OTUD7A: variants seen among roughly 807,000 people sequenced by gnomAD.
The protein encoded by OTUD7A is OTU deubiquitinase 7A, also known as OTU domain-containing protein 7A.
A neutral mutation model predicts 65.7 loss-of-function variants in OTUD7A; 12 were observed. The observed-to-expected ratio is 0.18, with a 90% CI of 0.12 to 0.30. The LOEUF (loss-of-function observed/expected upper bound fraction) is 0.30. Ranked by LOEUF, OTUD7A falls within the 10% of genes least tolerant of loss-of-function variation. OTUD7A has a pLI of 1.00. For synonymous variants in OTUD7A, 641 were observed against 586.3 expected (o/e 1.09, Z -1.35); for missense variants, 1,148 against 1,304.8 (o/e 0.88, Z 1.85).
intron 1 of OTUD7A, among the ~76,000 whole-genome samples, chr15:31,662,371 C>T (rs370000243): frequency 2.7e-4 from 41 of 152,150 alleles, no homozygotes; most frequent in Admixed American, 5.2e-4. Flanking sequence ...CTTCCTTCCA[C>T]GGGATCAATT....
intron 1 of OTUD7A, among the ~76,000 whole-genome samples, chr15:31,816,872 G>A (rs1056853923): frequency 2.0e-5 from 3 of 152,184 alleles, no homozygotes; most frequent in Non-Finnish European, 4.4e-5. Flanking sequence ...TGGGAAGGGC[G>A]TTCTCAGCAA....
intron 3 of OTUD7A, among the ~76,000 whole-genome samples, chr15:31,633,328 T>C (rs1199247108): frequency 6.6e-6 from 1 of 152,228 alleles, no homozygotes; most frequent in Non-Finnish European, 1.5e-5. Context: ...TCCAGTTCAT[T>C]AGAGATCATT....
At chr15:31,774,121 T>TA (rs1340848998) in intron 1 of OTUD7A, among the ~76,000 whole-genome samples, 1 of 152,186 alleles carries the variant, frequency 6.6e-6, no homozygotes, top group Non-Finnish European at 1.5e-5. Context: ...CTTCCCCAAA[T>TA]AAAGTCCTCC....
At chr15:31,861,976 G>C (rs1437639889) in intron 1 of OTUD7A, among the ~76,000 whole-genome samples, 1 of 152,154 alleles carries the variant, frequency 6.6e-6, no homozygotes, top group Non-Finnish European at 1.5e-5. Context: ...GACATGCTCT[G>C]GGAGCAGCTC....
intron 3 of OTUD7A, among the ~76,000 whole-genome samples, chr15:31,602,994 TATC>T (rs1890128036): frequency 6.6e-6 from 1 of 152,288 alleles, no homozygotes; most frequent in South Asian, 2.1e-4. Flanking sequence ...GAAGAAACAA[TATC>T]ATGAAAATGG....
chr15:31,589,006 A>G (rs924873227), intron 3 of OTUD7A, among the ~76,000 whole-genome samples: 1 of 152,218 alleles, frequency 6.6e-6, no homozygotes, highest in African/African-American at 2.4e-5. Context: ...GGTGGGTGAC[A>G]TGGCCACATT....
chr15:31,802,141 G>GTGTGTGTGTATA (rs553698632), intron 1 of OTUD7A, among the ~76,000 whole-genome samples: 343 of 142,554 alleles, frequency 2.4e-3, no homozygotes, highest in South Asian at 5.8e-3. Context: ...GTGTGTGTGT[G>GTGTGTGTGTATA]TATATATATA....
intron 1 of OTUD7A, among the ~76,000 whole-genome samples, chr15:31,822,131 T>C (rs188516897): frequency 6.6e-6 from 1 of 152,370 alleles, no homozygotes; most frequent in Non-Finnish European, 1.5e-5. Flanking sequence ...TATATTTATT[T>C]CTTCTCTTGT....
At chr15:31,516,320 A>G (rs1373030234) in intron 8 of OTUD7A, among the ~76,000 whole-genome samples, 1 of 152,240 alleles carries the variant, frequency 6.6e-6, no homozygotes, top group Non-Finnish European at 1.5e-5. Flanking sequence ...GCTGGAGCAG[A>G]GCAGCCTTTC....
intron 1 of OTUD7A, chr15:31,766,369 A>T (rs1174399128): frequency 2.5e-6 from 4 of 1,589,210 alleles, no homozygotes; most frequent in Non-Finnish European, 3.5e-6. Flanking sequence ...AACAAACAAC[A>T]TAACTGTAGA....
At chr15:31,645,939 C>A (rs1891648302) in intron 3 of OTUD7A, among the ~76,000 whole-genome samples, 1 of 152,168 alleles carries the variant, frequency 6.6e-6, no homozygotes, top group Non-Finnish European at 1.5e-5. Flanking sequence ...GCCCTCAACG[C>A]CTGCTTGGAG....
At chr15:31,822,679 G>A (rs992064243) in intron 1 of OTUD7A, among the ~76,000 whole-genome samples, 5 of 152,172 alleles carry the variant, frequency 3.3e-5, no homozygotes, top group Admixed American at 6.5e-5. Flanking sequence ...GTCAGTTGCC[G>A]GGACTTTCTT....
Position 31,483,608 on chromosome 15 carries a change from C to A in OTUD7A, c.2488G>T (p.Val830Phe). Residue 830 changes from valine (V) to phenylalanine (F), a missense_variant, in exon 13 of 13, where the codon GTC becomes TTC. Val to Phe is a conservative substitution (Grantham distance 50). Around this residue, in one of 6 missense-constraint regions of OTUD7A, gnomAD observed 842 missense variants for 769.5 expected, o/e 1.09. Coordinates refer to ENST00000307050, the MANE Select transcript of OTUD7A (RefSeq NM_001382637.1). Reference sequence around the variant, plus strand: ...GGCACCGCGCGCGCCAGCGACTCGACCGTGTTGACGGTGCGCAGGGCGGCG... The same window carrying A: ...GGCACCGCGCGCGCCAGCGACTCGAACGTGTTGACGGTGCGCAGGGCGGCG... ...RAAALRTVNT[V>F]ESLARAVPGA... 8.2e-7 allele frequency: 1 copy of A among 1,218,680 alleles called. No homozygotes were observed. The highest frequency in any genetic ancestry group is 1.0e-6 in the Non-Finnish European group (1 of 983,112). 75.5% of individuals were successfully genotyped at this position (1,218,680 alleles called of 1,614,324 possible).
At chr15:31,670,968 C>T (rs893287616) in intron 1 of OTUD7A, among the ~76,000 whole-genome samples, 1 of 151,432 alleles carries the variant, frequency 6.6e-6, no homozygotes, top group Non-Finnish European at 1.5e-5. Context: ...GCACTCCAGC[C>T]TGGGGGACAA....
At chr15:31,699,180 T>C (rs1893154871) in intron 1 of OTUD7A, among the ~76,000 whole-genome samples, 1 of 151,072 alleles carries the variant, frequency 6.6e-6, no homozygotes, top group East Asian at 2.0e-4. Context: ...CCTGAGTTCA[T>C]GCCATTCTCC....
chr15:31,724,538 C>T (rs1354083550), intron 1 of OTUD7A, among the ~76,000 whole-genome samples: 2 of 152,190 alleles, frequency 1.3e-5, no homozygotes, highest in African/African-American at 4.8e-5. Context: ...GCCTCTGATG[C>T]AATCCTAAGG....
chr15:31,567,037 C>T (rs1269231913), intron 4 of OTUD7A, among the ~76,000 whole-genome samples: 2 of 152,064 alleles, frequency 1.3e-5, no homozygotes, highest in South Asian at 2.1e-4. Flanking sequence ...CAAGGGGGTA[C>T]CTGAAAATGT....
At chr15:31,776,046 G>A (rs1340072579) in intron 1 of OTUD7A, among the ~76,000 whole-genome samples, 38 of 152,210 alleles carry the variant, frequency 2.5e-4, no homozygotes, top group Admixed American at 2.5e-3. Flanking sequence ...AGGACAGAGT[G>A]CCACTGCCAC....
At chr15:31,643,252 T>C (rs188043207) in intron 3 of OTUD7A, among the ~76,000 whole-genome samples, 2 of 152,392 alleles carry the variant, frequency 1.3e-5, no homozygotes, top group East Asian at 3.8e-4. Context: ...CCCAAGTAGC[T>C]GGGATTGCGG....
Sources: gnomAD v4.1 joint callset for allele counts (sites outside exome capture counted in the v4.1 genomes callset) on GRCh38, gnomAD v4.1.1 for gene constraint, gnomAD v4.1.1 regional missense constraint, MANE v1.5 for transcripts, NCBI Gene and HGNC (gene_info 2026-07-23, HGNC 2026-07-21) for gene names.